Variants in FMO1 observed in about 807,000 individuals in gnomAD.
FMO1 encodes flavin-containing monooxygenase 1.
In FMO1, 36 loss-of-function variants were observed where a neutral mutation model predicts 45.4. That is an observed-to-expected ratio of 0.79 (90% CI 0.61 to 1.05). The LOEUF (loss-of-function observed/expected upper bound fraction) is 1.05. Among genes scored for constraint, FMO1 ranks in the 50% least tolerant of loss-of-function variants. The pLI, the probability that FMO1 is intolerant of heterozygous loss-of-function variation, is 0.00. For missense variants in FMO1, 615 were observed against 640.3 expected, an observed-to-expected ratio of 0.96 and a Z score of 0.43; for synonymous variants, 228 against 227.2, an observed-to-expected ratio of 1.00 and a Z score of -0.03.
chr1:171,271,388 T>C (rs1257038517), intron 3 of FMO1: 4 of 1,127,098 alleles, frequency 3.5e-6, no homozygotes, highest in East Asian at 4.7e-5. Context: ...TAATGGGCCT[T>C]GTCACCTTTG....
intron 2 of FMO1, among the ~76,000 whole-genome samples, chr1:171,259,324 T>C (rs774843642): frequency 6.6e-6 from 1 of 152,176 alleles, no homozygotes; most frequent in Non-Finnish European, 1.5e-5. Context: ...TATCTTAAAG[T>C]GTACCCACCA....
Position 171,285,245 on chromosome 1 carries a change from A to C in FMO1, c.1300A>C (p.Thr434Pro). The change falls in exon 9 of 9, where the codon ACA (threonine) becomes CCA (proline). Residue 434 changes from threonine (T) to proline (P), a missense_variant. Transcript: ENST00000617670. ...CAAGGCTTTACAATCAGATTATATC[A>C]CATACATAGATGAACTCCTGACCTA... ...YCKALQSDYITYIDELLTYIN... is the reference protein window; with the variant it reads ...YCKALQSDYIPYIDELLTYIN... 1 of 1,613,506 alleles carries C rather than the reference A, an allele frequency of 6.2e-7. No homozygotes were observed. Among genetic ancestry groups the C allele is most frequent in the Non-Finnish European group, 8.5e-7 (1 of 1,179,692 alleles).
intron 3 of FMO1, 124 bp from the exon 4 acceptor site, chr1:171,275,222 G>A (rs1227626096): frequency 1.4e-6 from 1 of 727,438 alleles, no homozygotes; most frequent in African/African-American, 1.8e-5. Flanking sequence ...GGTTTCTAGG[G>A]TTATACTTAT....
chr1:171,267,869 C>T (rs1251437442), intron 3 of FMO1, 138 bp downstream of exon 3: 2 of 604,008 alleles, frequency 3.3e-6, no homozygotes, highest in African/African-American at 3.7e-5. Flanking sequence ...TTTATTTTCT[C>T]CCTATACTCA....
intron 1 of FMO1, among the ~76,000 whole-genome samples, chr1:171,254,365 T>C (rs1397857933): frequency 1.3e-5 from 2 of 152,116 alleles, no homozygotes; most frequent in East Asian, 3.9e-4. Flanking sequence ...GCTAGGATTA[T>C]AGGCATGAAC....
chr1:171,258,204 G>T lies in FMO1; in HGVS notation c.117G>T (p.Gly39=), dbSNP rs764592984. The change falls in exon 2 of 9, where the codon GGG becomes GGT. Residue 39 remains glycine, a synonymous_variant. Coordinates refer to ENST00000617670, the MANE Select transcript of FMO1 (RefSeq NM_001282693.2). ...TCFERSDDLG[G]LWRFTEHVEE... ...TTGAGAGGAGCGATGACCTTGGGGG[G>T]CTGTGGAGATTCACCGTAAGTGGGG... 6.2e-7 allele frequency: 1 copy of T among 1,614,098 alleles called. No individual in the cohort carries two copies. Among genetic ancestry groups the T allele is most frequent in the South Asian group, 1.1e-5 (1 of 91,076 alleles).
chr1:171,261,787 A>G (rs1660387429), intron 2 of FMO1, among the ~76,000 whole-genome samples: 1 of 152,218 alleles, frequency 6.6e-6, no homozygotes, highest in Non-Finnish European at 1.5e-5. Context: ...GGATACTCAC[A>G]ATGTCATGAC....
intron 4 of FMO1, among the ~76,000 whole-genome samples, chr1:171,275,914 G>C (rs74567828): frequency 6.6e-6 from 1 of 152,090 alleles, no homozygotes; most frequent in African/African-American, 2.4e-5. Context: ...AAAGAAAAAA[G>C]TAATTTTTTC....
In FMO1 at chr1:171,285,474, C is replaced by T; in HGVS notation, c.1529C>T (p.Pro510Leu). Reference protein sequence around the residue: ...KARVVQESPSPFESFLKVFSF... With the variant: ...KARVVQESPSLFESFLKVFSF... ...CGAGTTGTACAAGAGTCTCCATCTC[C>T]CTTTGAAAGTTTTCTTAAAGTCTTT... is the stretch of plus-strand genomic sequence containing the variant. Residue 510 changes from proline to leucine, a missense_variant, in exon 9 of 9, where the codon CCC becomes CTC. Transcript: ENST00000617670. 6.6e-7 allele frequency: 1 copy of T among 1,523,844 alleles called. No individual in the cohort carries two copies. The highest frequency in any genetic ancestry group is 1.3e-5 in the South Asian group (1 of 76,428). 94.4% of individuals were successfully genotyped at this position (1,523,844 alleles called of 1,614,324 possible).
At chr1:171,257,768 G>C (rs1255825616) in intron 1 of FMO1, 1 of 363,476 alleles carries the variant, frequency 2.8e-6, no homozygotes, top group Non-Finnish European at 5.3e-6. Context: ...ACTAGAGGCA[G>C]CAGCTCAGTC....
intron 4 of FMO1, among the ~76,000 whole-genome samples, chr1:171,276,428 C>T (rs1445094213): frequency 1.3e-5 from 2 of 152,202 alleles, no homozygotes; most frequent in Admixed American, 1.3e-4. Flanking sequence ...TCCATAGCCT[C>T]TTCTTGAACC....
At chr1:171,278,678 A>T (rs993630401) in intron 4 of FMO1, 51 bp from the exon 5 acceptor site, 40 of 1,349,888 alleles carry the variant, frequency 3.0e-5, no homozygotes, top group Non-Finnish European at 4.0e-5. Flanking sequence ...TTTATGTTTC[A>T]TTCACTGATC....
rs527775687 is a variant in FMO1 at position 171,261,261 on chromosome 1, C to T, written c.132+3042C>T. Among the ~76,000 whole-genome samples, 13 of 151,972 alleles carry T rather than the reference C, an allele frequency of 8.6e-5. No homozygotes were observed. The South Asian group carries it at 2.5e-3, about 29-fold the overall frequency. ...TGAAGGTGCCTTCAGCTCTAATATG[C>T]GATGAGTCTCCTGAGTCTTTCTAGA... is the stretch of plus-strand genomic sequence containing the variant. On this transcript the variant is annotated intron_variant, in intron 2 of 8. Transcript: ENST00000617670.
chr1:171,258,136 T>C lies in FMO1; in HGVS notation c.49T>C (p.Ser17Pro). Residue 17 changes from serine (S) to proline (P), a missense_variant, in exon 2 of 9, where the codon TCC becomes CCC. Transcript: ENST00000617670. ...GGGAGCTGGGGTCAGCGGCCTGGCCTCCATCAAGTGCTGTCTGGAAGAAGG... is the reference window on the plus strand; with the variant it reads ...GGGAGCTGGGGTCAGCGGCCTGGCCCCCATCAAGTGCTGTCTGGAAGAAGG... ...IVGAGVSGLASIKCCLEEGLE... is the reference protein window; with the variant it reads ...IVGAGVSGLAPIKCCLEEGLE... 6.2e-7 allele frequency: 1 copy of C among 1,614,172 alleles called. No individual in the cohort carries two copies. Among genetic ancestry groups the C allele is most frequent in the Non-Finnish European group, 8.5e-7 (1 of 1,180,030 alleles).
At position 171,282,278 on chromosome 1, in the gene FMO1, C is replaced by A; in HGVS notation, c.1128C>A (p.Gly376=). Residue 376 remains glycine (G), a synonymous_variant, in exon 7 of 9, where the codon GGC becomes GGA. Coordinates refer to ENST00000617670, the MANE Select transcript of FMO1 (RefSeq NM_001282693.2). ...TTATTGGCCTCATCAAACCCTTGGG[C>A]TCCATGATACCTACAGGAGAAACAC... is the stretch of plus-strand genomic sequence containing the variant. The part of the protein sequence containing the change: ...LAIIGLIKPL[G]SMIPTGETQA... 6.2e-7 allele frequency: 1 copy of A among 1,613,872 alleles called. No individual in the cohort carries two copies. The highest frequency in any genetic ancestry group is 2.2e-5 in the East Asian group (1 of 44,864).
rs555496696 is a variant in FMO1, at chr1:171,271,442, C to T, written c.321+3711C>T. ...CTTTCTCTTTAGCAGACATGGTCTT[C>T]CACCTCTCTGAGCCTTTCTTAGAAA... On this transcript the variant is annotated intron_variant, in intron 3 of 8. Transcript: ENST00000617670. 912 of 995,856 alleles carry T rather than the reference C, an allele frequency of 9.2e-4. 12 individuals carry two copies. Among genetic ancestry groups the T allele is most frequent in the South Asian group, 6.9e-3 (540 of 78,620 alleles). 61.7% of individuals were successfully genotyped at this position (995,856 alleles called of 1,614,324 possible). A position where few individuals can be genotyped will look rare whatever the true frequency, so the allele number is the denominator to read the frequency against.
chr1:171,272,719 T>G (rs1660917400), intron 3 of FMO1, among the ~76,000 whole-genome samples: 1 of 152,230 alleles, frequency 6.6e-6, no homozygotes, highest in Non-Finnish European at 1.5e-5. Flanking sequence ...CCCTTTGTTT[T>G]GACCAATTTC....
At chr1:171,266,194 A>G (rs2101813880) in intron 2 of FMO1, among the ~76,000 whole-genome samples, 1 of 152,342 alleles carries the variant, frequency 6.6e-6, no homozygotes, top group Non-Finnish European at 1.5e-5. Flanking sequence ...CAAACTCATC[A>G]CACAAGTTAG....
At chr1:171,270,829 T>C (rs1571346550) in intron 3 of FMO1, 5 of 757,034 alleles carry the variant, frequency 6.6e-6, no homozygotes, top group South Asian at 3.9e-5. Flanking sequence ...AAAAAGACAC[T>C]GTACAGTTTA....
Sources: gnomAD v4.1 joint callset for allele counts (sites outside exome capture counted in the v4.1 genomes callset) on GRCh38, gnomAD v4.1.1 for gene constraint, MANE v1.5 for transcripts, NCBI Gene and HGNC (gene_info 2026-07-23, HGNC 2026-07-21) for gene names.